The following KIAA1328 variants were observed in gnomAD, a reference collection of about 807,000 sequenced individuals.
KIAA1328 encodes the protein KIAA1328, also known as protein hinderin.
Under a neutral mutation model 68.1 loss-of-function variants are expected in KIAA1328, and 52 were observed. That is an observed-to-expected ratio of 0.76 (90% CI 0.61 to 0.96). The LOEUF (loss-of-function observed/expected upper bound fraction) is 0.96, where lower values mean the gene tolerates loss of function less well. Ranked by LOEUF, KIAA1328 falls within the 40% of genes least tolerant of loss-of-function variation. The probability of loss-of-function intolerance (pLI) is 0.00; values close to 1 mark genes in which losing one functional copy is unlikely to be tolerated. For synonymous variants in KIAA1328, 232 were observed against 239.4 expected (o/e 0.97, Z 0.28); for missense variants, 641 against 677.6 (o/e 0.95, Z 0.60).
intron 5 of KIAA1328, among the ~76,000 whole-genome samples, chr18:36,907,621 A>G (rs2049271729): frequency 6.6e-6 from 1 of 152,126 alleles, no homozygotes; most frequent in South Asian, 2.1e-4. Flanking sequence ...CCCACTTGAT[A>G]TTGAAATGTT....
intron 7 of KIAA1328, among the ~76,000 whole-genome samples, chr18:37,129,073 GA>G (rs2058460536): frequency 6.6e-6 from 1 of 152,100 alleles, no homozygotes; most frequent in Non-Finnish European, 1.5e-5. Flanking sequence ...TTTGTACCTT[GA>G]TTATGATGCT....
chr18:36,927,310 T>C (rs913113392), intron 5 of KIAA1328, among the ~76,000 whole-genome samples: 1 of 152,242 alleles, frequency 6.6e-6, no homozygotes. Flanking sequence ...AACTTTTTTG[T>C]TATGTCTAAA....
At chr18:36,956,544 G>T (rs574880414) in intron 5 of KIAA1328, among the ~76,000 whole-genome samples, 3 of 90,386 alleles carry the variant, frequency 3.3e-5, no homozygotes, top group Admixed American at 3.1e-4. Context: ...GGAAGGAAGT[G>T]GGGGGGGGGT....
intron 9 of KIAA1328, among the ~76,000 whole-genome samples, chr18:37,192,116 T>C (rs2059916280): frequency 6.6e-6 from 1 of 151,574 alleles, no homozygotes; most frequent in Non-Finnish European, 1.5e-5. Flanking sequence ...ACATCTAGTT[T>C]TACTTACATC....
intron 6 of KIAA1328, among the ~76,000 whole-genome samples, chr18:36,989,187 C>A (rs1172810748): frequency 1.3e-5 from 2 of 152,078 alleles, no homozygotes; most frequent in African/African-American, 4.8e-5. Context: ...TTTCGTTTCT[C>A]TCAGTCTTGG....
intron 6 of KIAA1328, among the ~76,000 whole-genome samples, chr18:37,046,078 C>T (rs1175134399): frequency 1.3e-5 from 2 of 152,176 alleles, no homozygotes; most frequent in Admixed American, 1.3e-4. Flanking sequence ...TGTTTTACAC[C>T]TGAACTGACT....
intron 7 of KIAA1328, among the ~76,000 whole-genome samples, chr18:37,122,063 C>T (rs1008675573): frequency 2.0e-5 from 3 of 151,994 alleles, no homozygotes; most frequent in Admixed American, 2.0e-4. Context: ...GATGACATGA[C>T]ATGAAGCTAA....
At chr18:37,024,605 T>C (rs1599004796) in intron 6 of KIAA1328, among the ~76,000 whole-genome samples, 1 of 148,892 alleles carries the variant, frequency 6.7e-6, no homozygotes, top group Non-Finnish European at 1.5e-5. Flanking sequence ...TCAATTCCCA[T>C]CTATGAGTGA....
chr18:36,989,084 A>G lies in KIAA1328; in HGVS notation c.576+29649A>G, dbSNP rs182959001. Among the ~76,000 whole-genome samples the G allele has an allele frequency of 1.1e-4, 17 of 152,236 alleles. No individual in the cohort carries two copies. In the South Asian group the frequency reaches 3.3e-3, roughly 30 times the overall value. On this transcript the variant is annotated intron_variant, in intron 6 of 9. Transcript: ENST00000280020. ...CTGGTGAAAACCGAGAATATTGCCT[A>G]TTTGGTAATGCCTTTATGTTGAGTT...
chr18:36,973,806 C>T lies in KIAA1328; in HGVS notation c.576+14371C>T, dbSNP rs374256709. 4.0e-4 allele frequency among the ~76,000 whole-genome samples: 52 copies of T among 129,876 alleles called. 2 individuals carry two copies. The East Asian group carries it at 5.2e-3, about 13-fold the overall frequency. The allele number at this position is 129,876 out of a possible 152,430, so 85.2% of individuals were successfully genotyped here. A position where few individuals can be genotyped will look rare whatever the true frequency, so the allele number is the denominator to read the frequency against. ...ACAGTTTTATATATAATTGTGTGTA[C>T]GCACATACACACACACACACACATA... On this transcript the variant is annotated intron_variant, in intron 6 of 9. Coordinates refer to ENST00000280020, the MANE Select transcript of KIAA1328 (RefSeq NM_020776.3).
chr18:37,117,592 T>C (rs576239063), intron 7 of KIAA1328, among the ~76,000 whole-genome samples: 3 of 152,096 alleles, frequency 2.0e-5, no homozygotes, highest in Non-Finnish European at 2.9e-5. Flanking sequence ...TGTATACATA[T>C]GTAACAAACC....
rs777638337 is a variant in KIAA1328, at chr18:36,829,153, G to A, written c.15G>A (p.Ala5=). 208 of 1,533,554 alleles carry A rather than the reference G, an allele frequency of 1.4e-4. No homozygotes were observed. The highest frequency in any genetic ancestry group is 6.0e-5 in the Non-Finnish European group (69 of 1,142,120). 95.0% of individuals were successfully genotyped at this position (1,533,554 alleles called of 1,614,324 possible). ...GTTGTTTCAAGATGGCGGACGTGGC[G>A]GGCCCCTCCCGCCCCAGTGCCGCGG... MADV[A]GPSRPSAAAF... is the part of the protein sequence containing the mutation. Residue 5 remains alanine, a synonymous_variant, in exon 1 of 10, where the codon GCG becomes GCA. Transcript: ENST00000280020.
intron 4 of KIAA1328, among the ~76,000 whole-genome samples, chr18:36,861,936 G>A (rs1447215674): frequency 6.6e-6 from 1 of 152,110 alleles, no homozygotes; most frequent in African/African-American, 2.4e-5. Flanking sequence ...CCCAAAAAGT[G>A]CTGGGATTGC....
intron 7 of KIAA1328, among the ~76,000 whole-genome samples, chr18:37,095,697 C>T (rs2057384713): frequency 6.6e-6 from 1 of 151,572 alleles, no homozygotes; most frequent in African/African-American, 2.4e-5. Context: ...TACATAGGGC[C>T]AATGAAATAA....
At chr18:37,113,659 T>C (rs1423752682) in intron 7 of KIAA1328, among the ~76,000 whole-genome samples, 1 of 152,076 alleles carries the variant, frequency 6.6e-6, no homozygotes. Context: ...CACATAACAA[T>C]ATTAACCTTA....
intron 9 of KIAA1328, among the ~76,000 whole-genome samples, chr18:37,205,266 T>C (rs1301046421): frequency 6.6e-6 from 1 of 152,128 alleles, no homozygotes; most frequent in Admixed American, 6.5e-5. Context: ...AAAGAGGCAG[T>C]AAAACAGGAG....
At chr18:36,864,301 ATTG>A (rs1327384548) in intron 4 of KIAA1328, among the ~76,000 whole-genome samples, 1 of 146,428 alleles carries the variant, frequency 6.8e-6, no homozygotes, top group Non-Finnish European at 1.5e-5. Context: ...ACTTGTTATA[ATTG>A]TTTTTTTTTT....
intron 5 of KIAA1328, among the ~76,000 whole-genome samples, chr18:36,947,936 ATC>A (rs1449493044): frequency 1.3e-5 from 2 of 151,954 alleles, no homozygotes; most frequent in Non-Finnish European, 2.9e-5. Context: ...CAGTCTTAAG[ATC>A]TCTGTTTTAA....
chr18:37,186,435 T>TGTGC (rs1221780549), intron 9 of KIAA1328, among the ~76,000 whole-genome samples: 1 of 151,266 alleles, frequency 6.6e-6, no homozygotes, highest in Non-Finnish European at 1.5e-5. Flanking sequence ...GGCATGGTAG[T>TGTGC]GTGCGCCTGT....
Sources: allele counts gnomAD v4.1 joint callset (sites outside exome capture counted in the v4.1 genomes callset), GRCh38; gene constraint gnomAD v4.1.1; transcripts MANE v1.5; gene names NCBI Gene and HGNC (gene_info 2026-07-23, HGNC 2026-07-21).